The following CFAP299 variants were observed in gnomAD, a reference collection of about 807,000 sequenced individuals.
CFAP299 encodes cilia- and flagella-associated protein 299.
In CFAP299, 21 loss-of-function variants were observed where a neutral mutation model predicts 27.0. That is an observed-to-expected ratio of 0.78 (90% CI 0.55 to 1.12). The LOEUF (loss-of-function observed/expected upper bound fraction) is 1.12, where lower values mean the gene tolerates loss of function less well. Among genes scored for constraint, CFAP299 ranks in the 50% most tolerant of loss-of-function variants. The pLI is 0.00. For missense variants in CFAP299, 310 were observed against 276.6 expected (o/e 1.12, Z -0.86); for synonymous variants, 104 against 98.1 (o/e 1.06, Z -0.36).
At chr4:80,512,274 A>T (rs1874336) in intron 2 of CFAP299, among the ~76,000 whole-genome samples, 58,367 of 151,540 alleles carry the variant, frequency 0.39, 14,609 homozygotes, top group African/African-American at 0.71. Flanking sequence ...AACAGTCACA[A>T]CTTTTCCCAT....
intron 3 of CFAP299, among the ~76,000 whole-genome samples, chr4:80,650,707 G>C (rs970067326): frequency 6.6e-6 from 1 of 152,060 alleles, no homozygotes; most frequent in Non-Finnish European, 1.5e-5. Context: ...TTTGTATGCT[G>C]CTTTCTCTTA....
the CFAP299 span, among the ~76,000 whole-genome samples, chr4:80,321,810 T>G: frequency 2.0e-5 from 3 of 152,204 alleles, no homozygotes; most frequent in African/African-American, 7.2e-5. Flanking sequence ...CAAGTCCCGT[T>G]GGATGTGGAG....
chr4:80,734,436 T>G (rs901531079), intron 3 of CFAP299, among the ~76,000 whole-genome samples: 4 of 152,260 alleles, frequency 2.6e-5, no homozygotes, highest in Middle Eastern at 3.4e-3. Flanking sequence ...CTTTGTTGAT[T>G]ATTTCCTTTG....
chr4:80,880,907 C>G (rs984782859), intron 4 of CFAP299, among the ~76,000 whole-genome samples: 3 of 152,118 alleles, frequency 2.0e-5, no homozygotes, highest in African/African-American at 7.2e-5. Context: ...TGTGCCTGGC[C>G]ACCTAGCCTC....
chr4:80,800,673 AAT>A (rs1213908642), intron 3 of CFAP299, among the ~76,000 whole-genome samples: 21 of 112,120 alleles, frequency 1.9e-4, no homozygotes, highest in Non-Finnish European at 3.4e-4. Context: ...TATTAATATA[AAT>A]ATATGATATA....
In CFAP299 at chr4:80,592,113, T is replaced by C. The variant is rs1344902382; in HGVS notation, c.333+8930T>C. ...ATTAATTAAGAGTTACTAAAATTGC[T>C]ACAAATTTTGGAGAAATAGAATGCA... On this transcript the variant is annotated intron_variant, in intron 3 of 5. Transcript: ENST00000358105. Among the ~76,000 whole-genome samples, 3 of 152,232 alleles carry C rather than the reference T, an allele frequency of 2.0e-5. No homozygotes were observed. The East Asian group carries it at 5.8e-4, about 29-fold the overall frequency.
chr4:80,575,926 T>G (rs1288453245), intron 2 of CFAP299, among the ~76,000 whole-genome samples: 1 of 151,910 alleles, frequency 6.6e-6, no homozygotes, highest in Non-Finnish European at 1.5e-5. Context: ...CTCAGCAAAC[T>G]ATCGCAAGGA....
intron 3 of CFAP299, among the ~76,000 whole-genome samples, chr4:80,742,889 G>A (rs927422596): frequency 8.5e-5 from 13 of 152,112 alleles, no homozygotes; most frequent in Admixed American, 5.9e-4. Flanking sequence ...TATCTCAGAA[G>A]TAGAGACAAT....
chr4:80,764,071 C>G (rs1725703199), intron 3 of CFAP299, among the ~76,000 whole-genome samples: 1 of 152,030 alleles, frequency 6.6e-6, no homozygotes, highest in African/African-American at 2.4e-5. Context: ...AAAACACCAA[C>G]AGTAGTTGCA....
chr4:80,501,760 C>T (rs1217178073), intron 2 of CFAP299, among the ~76,000 whole-genome samples: 2 of 151,618 alleles, frequency 1.3e-5, no homozygotes, highest in South Asian at 2.1e-4. Flanking sequence ...AAATTTGTCA[C>T]CTTTACTTTT....
intron 2 of CFAP299, among the ~76,000 whole-genome samples, chr4:80,412,454 A>G (rs1196816765): frequency 6.6e-6 from 1 of 152,164 alleles, no homozygotes; most frequent in Non-Finnish European, 1.5e-5. Flanking sequence ...TAACGCATGA[A>G]CTCAACTAAA....
At chr4:80,673,501 A>G (rs1049037020) in intron 3 of CFAP299, among the ~76,000 whole-genome samples, 6 of 151,894 alleles carry the variant, frequency 4.0e-5, no homozygotes, top group African/African-American at 1.5e-4. Flanking sequence ...TTTGAGGTGG[A>G]GAGTTCTGTA....
intron 2 of CFAP299, among the ~76,000 whole-genome samples, chr4:80,533,229 A>G (rs184918466): frequency 1.2e-4 from 18 of 152,348 alleles, no homozygotes; most frequent in Non-Finnish European, 1.0e-4. Context: ...TCTGGCTTCA[A>G]TTTCATTTGC....
chr4:80,556,492 A>G (rs2110215609), intron 2 of CFAP299, among the ~76,000 whole-genome samples: 1 of 152,190 alleles, frequency 6.6e-6, no homozygotes, highest in East Asian at 1.9e-4. Context: ...ACACATATGA[A>G]CAACACATCT....
chr4:80,571,014 C>T (rs1267771048), intron 2 of CFAP299, among the ~76,000 whole-genome samples: 1 of 151,832 alleles, frequency 6.6e-6, no homozygotes, highest in Admixed American at 6.6e-5. Context: ...AAAATTACAC[C>T]ATATCGTTTA....
intron 3 of CFAP299, among the ~76,000 whole-genome samples, chr4:80,817,157 C>G (rs979822553): frequency 3.3e-5 from 5 of 152,048 alleles, no homozygotes; most frequent in African/African-American, 4.8e-5. Flanking sequence ...AAAGGCCTAT[C>G]CCCTTTGCCT....
intron 4 of CFAP299, among the ~76,000 whole-genome samples, chr4:80,938,532 C>T (rs1173439393): frequency 2.6e-5 from 4 of 152,296 alleles, no homozygotes; most frequent in Non-Finnish European, 5.9e-5. Context: ...CAATGCTTAT[C>T]ACTGGCTTGC....
At chr4:80,900,074 A>G (rs1301587007) in intron 4 of CFAP299, among the ~76,000 whole-genome samples, 1 of 151,802 alleles carries the variant, frequency 6.6e-6, no homozygotes, top group African/African-American at 2.4e-5. Flanking sequence ...TAGCATGAGT[A>G]GATAACTAAA....
At chr4:80,401,789 C>T (rs1726175706) in intron 2 of CFAP299, among the ~76,000 whole-genome samples, 2 of 152,132 alleles carry the variant, frequency 1.3e-5, no homozygotes, top group African/African-American at 4.8e-5. Flanking sequence ...AGACAGCTTG[C>T]ATTGTGCACT....
Sources: allele counts gnomAD v4.1 joint callset (sites outside exome capture counted in the v4.1 genomes callset), GRCh38; gene constraint gnomAD v4.1.1; transcripts MANE v1.5; gene names NCBI Gene and HGNC (gene_info 2026-07-23, HGNC 2026-07-21).